The following RBFOX1 variants were observed in gnomAD, a reference collection of about 807,000 sequenced individuals.
The protein encoded by RBFOX1 is RNA binding fox-1 homolog 1.
Under a neutral mutation model 57.7 loss-of-function variants are expected in RBFOX1, and 8 were observed. That is an observed-to-expected ratio of 0.14 (90% confidence interval 0.08 to 0.25). The LOEUF (loss-of-function observed/expected upper bound fraction) is 0.25, where lower values mean the gene tolerates loss of function less well. Ranked by LOEUF, RBFOX1 falls within the 10% of genes least tolerant of loss-of-function variation. RBFOX1 has a pLI of 1.00. For synonymous variants in RBFOX1, 326 were observed against 222.4 expected (o/e 1.47, Z -4.15); for missense variants, 611 against 548.5 (o/e 1.11, Z -1.14).
intron 3 of RBFOX1, among the ~76,000 whole-genome samples, chr16:6,803,903 C>CT (rs1287142540): frequency 6.6e-6 from 1 of 152,120 alleles, no homozygotes; most frequent in Non-Finnish European, 1.5e-5. Context: ...GAAATGTAAG[C>CT]TTTTACCATT....
At chr16:7,426,397 A>T (rs1049804912) in intron 4 of RBFOX1, among the ~76,000 whole-genome samples, 14 of 152,252 alleles carry the variant, frequency 9.2e-5, no homozygotes, top group African/African-American at 3.4e-4. Context: ...AGGCTGCCGA[A>T]TTGGGCCTGT....
chr16:6,938,562 G>C (rs1465531256), intron 3 of RBFOX1, among the ~76,000 whole-genome samples: 2 of 93,624 alleles, frequency 2.1e-5, no homozygotes, highest in African/African-American at 1.5e-4. Flanking sequence ...CTGAATTACT[G>C]TATTTTTTCT....
At chr16:7,054,075 T>C (rs922742139) in intron 4 of RBFOX1, among the ~76,000 whole-genome samples, 1 of 151,596 alleles carries the variant, frequency 6.6e-6, no homozygotes, top group Admixed American at 6.6e-5. Flanking sequence ...TCTTCTGCCC[T>C]CTTCATTTTT....
intron 4 of RBFOX1, among the ~76,000 whole-genome samples, chr16:7,247,440 A>G (rs925607582): frequency 5.9e-5 from 9 of 152,160 alleles, no homozygotes; most frequent in African/African-American, 1.9e-4. Context: ...GAGTTGTGCA[A>G]GATAATGAGT....
chr16:5,656,713 T>C, intron 3 of RBFOX1, among the ~76,000 whole-genome samples: 1 of 152,240 alleles, frequency 6.6e-6, no homozygotes, highest in East Asian at 1.9e-4. Flanking sequence ...TCCATACCCC[T>C]GCAAAGGACA....
At chr16:5,621,899 G>GA in intron 3 of RBFOX1, among the ~76,000 whole-genome samples, 1 of 152,232 alleles carries the variant, frequency 6.6e-6, no homozygotes, top group African/African-American at 2.4e-5. Flanking sequence ...TCCATACCAG[G>GA]AAAACATCTT....
chr16:5,827,855 A>G (rs903542287), intron 3 of RBFOX1, among the ~76,000 whole-genome samples: 4 of 150,384 alleles, frequency 2.7e-5, no homozygotes, highest in African/African-American at 9.8e-5. Flanking sequence ...CCACCCACCC[A>G]CTCATCCAGG....
chr16:6,153,845 A>G (rs930056160), intron 1 of RBFOX1, among the ~76,000 whole-genome samples: 1 of 152,098 alleles, frequency 6.6e-6, no homozygotes, highest in East Asian at 1.9e-4. Flanking sequence ...CCATTATATC[A>G]TCTTAGGCTT....
At chr16:7,632,279 GC>G (rs2061097542) in intron 11 of RBFOX1, among the ~76,000 whole-genome samples, 1 of 152,132 alleles carries the variant, frequency 6.6e-6, no homozygotes. Flanking sequence ...CTCCCAAGAA[GC>G]CCAAATCTAA....
Position 5,923,040 on chromosome 16 carries a change from C to T in RBFOX1, c.351+55705C>T, listed in dbSNP as rs1256431307. Among the ~76,000 whole-genome samples the T allele has an allele frequency of 2.6e-5, 4 of 152,144 alleles. No individual in the cohort carries two copies. The East Asian group carries it at 7.7e-4, about 29-fold the overall frequency. On this transcript the variant is annotated intron_variant, in intron 4 of 19. Coordinates refer to the RBFOX1 transcript ENST00000641259. ...CCCATGCCTCTTCCCAGGGGACTCT[C>T]CACAAGGCCTTGGATGGTTTTCACA...
chr16:5,506,673 T>C (rs1036232075), intron 2 of RBFOX1, among the ~76,000 whole-genome samples: 1 of 152,090 alleles, frequency 6.6e-6, no homozygotes, highest in Non-Finnish European at 1.5e-5. Flanking sequence ...AGACTGGAGA[T>C]GACGCCACAG....
rs570445932 is a variant in RBFOX1 at position 5,270,507 on chromosome 16, C to T, written c.219+30402C>T. The T allele has an allele frequency of 2.0e-4, 132 of 666,478 alleles. 1 individual carries two copies. The East Asian group carries it at 3.1e-3, about 16-fold the overall frequency. 41.3% of individuals were successfully genotyped at this position (666,478 alleles called of 1,614,324 possible). ...GGTCTTACCTGTGACAAAATATGTT[C>T]CATGGTTGAAAAATGTTCAACAATG... On this transcript the variant is annotated intron_variant, in intron 1 of 2. Coordinates refer to the RBFOX1 transcript ENST00000585867.
At chr16:5,735,767 T>G (rs2052548133) in intron 3 of RBFOX1, among the ~76,000 whole-genome samples, 1 of 151,980 alleles carries the variant, frequency 6.6e-6, no homozygotes, top group Admixed American at 6.6e-5. Context: ...ATCCTGCTAC[T>G]CTGGAGGCTG....
At chr16:7,393,841 CA>C in intron 4 of RBFOX1, among the ~76,000 whole-genome samples, 1 of 152,206 alleles carries the variant, frequency 6.6e-6, no homozygotes, top group South Asian at 2.1e-4. Context: ...TCCAAACATT[CA>C]GAGAAGAATT....
chr16:5,387,726 C>T (rs1386474883), intron 1 of RBFOX1, among the ~76,000 whole-genome samples: 2 of 152,156 alleles, frequency 1.3e-5, no homozygotes, highest in South Asian at 4.1e-4. Context: ...ATATTCACAT[C>T]CTAATCTCTG....
chr16:6,922,108 C>T (rs1021146640), intron 3 of RBFOX1, among the ~76,000 whole-genome samples: 2 of 152,154 alleles, frequency 1.3e-5, no homozygotes, highest in African/African-American at 2.4e-5. Flanking sequence ...CAACTTTCTT[C>T]ACACAGGCTG....
chr16:6,132,325 T>G (rs1032646717), intron 1 of RBFOX1, among the ~76,000 whole-genome samples: 2 of 152,192 alleles, frequency 1.3e-5, no homozygotes, highest in African/African-American at 4.8e-5. Flanking sequence ...GTGTGACTTG[T>G]CCATTGTTTC....
chr16:7,557,224 T>G (rs2088827673), intron 5 of RBFOX1, among the ~76,000 whole-genome samples: 2 of 152,128 alleles, frequency 1.3e-5, no homozygotes, highest in Admixed American at 6.6e-5. Context: ...TTCCTATAGC[T>G]GAGGGCTTCA....
intron 3 of RBFOX1, among the ~76,000 whole-genome samples, chr16:6,804,994 A>C (rs1237216655): frequency 6.6e-6 from 1 of 152,212 alleles, no homozygotes; most frequent in Non-Finnish European, 1.5e-5. Context: ...CAATTCATCA[A>C]AGATCTGAAA....
Sources: gnomAD v4.1 joint callset for allele counts (sites outside exome capture counted in the v4.1 genomes callset) on GRCh38, gnomAD v4.1.1 for gene constraint, MANE v1.5 for transcripts, NCBI Gene and HGNC (gene_info 2026-07-23, HGNC 2026-07-21) for gene names.